RETREG1: variants seen among roughly 807,000 people sequenced by gnomAD.
RETREG1 encodes the protein family with sequence similarity 134 member B.
A neutral mutation model predicts 54.8 loss-of-function variants in RETREG1; 44 were observed. That is an observed-to-expected ratio of 0.80 (90% CI 0.63 to 1.03). The LOEUF (loss-of-function observed/expected upper bound fraction) is 1.03. Ranked by LOEUF, RETREG1 falls within the 50% of genes least tolerant of loss-of-function variation. The pLI is 0.00. For synonymous variants in RETREG1, 217 were observed against 238.5 expected (o/e 0.91, Z 0.83); for missense variants, 554 against 605.1 (o/e 0.92, Z 0.89).
Position 16,506,874 on chromosome 5 carries a change from A to T in RETREG1, c.459-23402T>A, listed in dbSNP as rs1561094944. ...TACAGGTAGTAGGGGGAGGTGGCAC[A>T]GGAATATGCTACCTCAAAGGACGGG... is the stretch of plus-strand genomic sequence containing the variant. On this transcript the variant is annotated intron_variant, in intron 3 of 8. Coordinates refer to ENST00000306320, the MANE Select transcript of RETREG1 (RefSeq NM_001034850.3). Among the ~76,000 whole-genome samples, 2 of 152,190 alleles carry T rather than the reference A, an allele frequency of 1.3e-5. 1 individual carries two copies. The highest frequency in any genetic ancestry group is 1.3e-4 in the Admixed American group (2 of 15,278).
At chr5:16,503,395 G>A (rs953300029) in intron 3 of RETREG1, among the ~76,000 whole-genome samples, 2 of 151,960 alleles carry the variant, frequency 1.3e-5, no homozygotes, top group African/African-American at 4.8e-5. Flanking sequence ...TAGACCAAGC[G>A]CAGTGGCTCA....
chr5:16,593,622 T>C lies in RETREG1; in HGVS notation c.321-21520A>G, dbSNP rs1052777790. 1.3e-5 allele frequency among the ~76,000 whole-genome samples: 2 copies of C among 152,162 alleles called. No homozygotes were observed. The highest frequency in any genetic ancestry group is 1.3e-4 in the Admixed American group (2 of 15,276). Reference sequence around the variant, plus strand: ...ATTAAAATGTCTATACCATTTTTATTAAAGACCCTTTGGGAAGCATCAGAT... The same window carrying C: ...ATTAAAATGTCTATACCATTTTTATCAAAGACCCTTTGGGAAGCATCAGAT... On this transcript the variant is annotated intron_variant, in intron 1 of 8. Transcript: ENST00000306320. The surrounding 1 kb of genome is among the most constrained non-coding windows in gnomAD (Gnocchi z 4.9).
chr5:16,513,860 C>G (rs994859746), intron 3 of RETREG1, among the ~76,000 whole-genome samples: 6 of 152,186 alleles, frequency 3.9e-5, no homozygotes, highest in Non-Finnish European at 7.3e-5. Context: ...CACCTCTGTC[C>G]ACTTCTTCCT....
At chr5:16,491,125 C>T (rs539358735) in intron 3 of RETREG1, among the ~76,000 whole-genome samples, 1 of 152,338 alleles carries the variant, frequency 6.6e-6, no homozygotes, top group East Asian at 1.9e-4. Flanking sequence ...GTTAAGCACT[C>T]TGCCCGCACT....
intron 3 of RETREG1, among the ~76,000 whole-genome samples, chr5:16,511,649 C>T (rs1309664185): frequency 1.3e-5 from 2 of 151,936 alleles, no homozygotes; most frequent in African/African-American, 2.4e-5. Context: ...AGTCCAGCCC[C>T]GTATTACTAT....
chr5:16,571,558 T>A (rs1346967851), intron 2 of RETREG1, among the ~76,000 whole-genome samples: 1 of 152,156 alleles, frequency 6.6e-6, no homozygotes, highest in Non-Finnish European at 1.5e-5. Context: ...TAAAATTTAT[T>A]CATTTTTTAT....
chr5:16,490,161 CTTGGGTCCTG>C (rs984389685), intron 3 of RETREG1, among the ~76,000 whole-genome samples: 22 of 152,202 alleles, frequency 1.4e-4, no homozygotes, highest in African/African-American at 5.1e-4. Flanking sequence ...GGTTTGAGTT[CTTGGGTCCTG>C]TTGGGCCCAA....
At chr5:16,505,100 G>A (rs1407768926) in intron 3 of RETREG1, among the ~76,000 whole-genome samples, 5 of 152,098 alleles carry the variant, frequency 3.3e-5, no homozygotes, top group African/African-American at 7.2e-5. Context: ...AATCACCTTC[G>A]TGCATCCGGA....
intron 3 of RETREG1, among the ~76,000 whole-genome samples, chr5:16,553,876 C>T (rs139312455): frequency 2.8e-4 from 42 of 152,274 alleles, no homozygotes; most frequent in African/African-American, 9.9e-4. Flanking sequence ...GACCTGCCCA[C>T]TGACAGAACC....
At chr5:16,508,561 G>C (rs750524202) in intron 3 of RETREG1, 2 of 1,608,468 alleles carry the variant, frequency 1.2e-6, no homozygotes, top group Non-Finnish European at 1.7e-6. Context: ...AAGTACGTAC[G>C]TATATATCAC....
At chr5:16,509,660 G>A (rs1740104499) in intron 3 of RETREG1, among the ~76,000 whole-genome samples, 1 of 151,906 alleles carries the variant, frequency 6.6e-6, no homozygotes, top group African/African-American at 2.4e-5. Flanking sequence ...GAATGTTAGG[G>A]ATGGCAGAAA....
At chr5:16,570,184 C>G (rs1742135538) in intron 2 of RETREG1, among the ~76,000 whole-genome samples, 1 of 152,216 alleles carries the variant, frequency 6.6e-6, no homozygotes, top group Non-Finnish European at 1.5e-5. Context: ...ATGGAATGAA[C>G]TAGCTCAAAA....
chr5:16,552,253 A>C (rs1741565820), intron 3 of RETREG1, among the ~76,000 whole-genome samples: 1 of 152,200 alleles, frequency 6.6e-6, no homozygotes, highest in Non-Finnish European at 1.5e-5. Flanking sequence ...AGGTTAATTT[A>C]TGCCTGGGAG....
chr5:16,506,566 C>T (rs372329207), intron 3 of RETREG1, among the ~76,000 whole-genome samples: 6 of 151,854 alleles, frequency 4.0e-5, no homozygotes, highest in East Asian at 3.9e-4. Context: ...CTCCACCTCC[C>T]GGGCTCAGGT....
rs563166822 is a variant in RETREG1, at chr5:16,584,100, G to A, written c.321-11998C>T. Reference sequence around the variant, plus strand: ...AGTGGGAGCTAAGCTATGAGGACACGAAGGCATAATAATGACAATGGGCTT... The same window carrying A: ...AGTGGGAGCTAAGCTATGAGGACACAAAGGCATAATAATGACAATGGGCTT... On this transcript the variant is annotated intron_variant, in intron 1 of 8. Transcript: ENST00000306320. Among the ~76,000 whole-genome samples, 4 of 151,410 alleles carry A rather than the reference G, an allele frequency of 2.6e-5. No individual in the cohort carries two copies. In the East Asian group the frequency reaches 5.8e-4, roughly 22 times the overall value.
At chr5:16,500,382 CAA>C (rs1471531228) in intron 3 of RETREG1, among the ~76,000 whole-genome samples, 3 of 151,888 alleles carry the variant, frequency 2.0e-5, no homozygotes, top group Non-Finnish European at 4.4e-5. Context: ...ACAAGGAGAG[CAA>C]AGAGAGAGAT....
chr5:16,516,165 T>C (rs895163870), intron 3 of RETREG1, among the ~76,000 whole-genome samples: 44 of 139,652 alleles, frequency 3.2e-4, no homozygotes, highest in African/African-American at 1.0e-3. Context: ...TTTATACTAC[T>C]TATAAAATAC....
chr5:16,603,571 G>A (rs893977602), intron 1 of RETREG1, among the ~76,000 whole-genome samples: 2 of 152,154 alleles, frequency 1.3e-5, no homozygotes, highest in East Asian at 1.9e-4. Context: ...TACAGAGCAC[G>A]CAGCTTTGCA....
At chr5:16,554,609 A>G (rs1002779110) in intron 3 of RETREG1, among the ~76,000 whole-genome samples, 3 of 131,086 alleles carry the variant, frequency 2.3e-5, no homozygotes, top group Non-Finnish European at 5.5e-5. Flanking sequence ...TCACCCTGAG[A>G]TAACTACATT....
Sources: allele counts gnomAD v4.1 joint callset (sites outside exome capture counted in the v4.1 genomes callset), GRCh38; gene constraint gnomAD v4.1.1; non-coding constraint Gnocchi (gnomAD v3.1); transcripts MANE v1.5; gene names NCBI Gene and HGNC (gene_info 2026-07-23, HGNC 2026-07-21).